Variants in TGFBR2 observed in about 807,000 individuals in gnomAD.
TGFBR2 encodes the protein transforming growth factor beta receptor 2.
Under a neutral mutation model 49.0 loss-of-function variants are expected in TGFBR2, and 18 were observed. That is an observed-to-expected ratio of 0.37 (90% confidence interval 0.25 to 0.54). The LOEUF (loss-of-function observed/expected upper bound fraction) is 0.54. Among genes scored for constraint, TGFBR2 ranks in the 20% least tolerant of loss-of-function variants. The pLI is 0.85. For synonymous variants in TGFBR2, 282 were observed against 275.9 expected (o/e 1.02, Z -0.22); for missense variants, 525 against 722.6 (o/e 0.73, Z 3.13).
At chr3:30,650,202 ATAT>A (rs2125409573) in intron 2 of TGFBR2, 65 bp from the exon 3 acceptor site, 1 of 1,497,830 alleles carries the variant, frequency 6.7e-7, no homozygotes, top group East Asian at 2.3e-5. Flanking sequence ...TCTGGAGGCC[ATAT>A]TATTCATTTA....
chr3:30,634,090 G>A (rs541311183), intron 1 of TGFBR2, among the ~76,000 whole-genome samples: 8 of 152,220 alleles, frequency 5.3e-5, no homozygotes, highest in East Asian at 3.9e-4. Context: ...CAAGAACCCC[G>A]CAGCATATTT....
chr3:30,671,270 G>A (rs1268863569), intron 3 of TGFBR2, among the ~76,000 whole-genome samples: 3 of 152,184 alleles, frequency 2.0e-5, no homozygotes, highest in African/African-American at 7.2e-5. Context: ...AAAGACAGAT[G>A]TGAAATCAAG....
intron 1 of TGFBR2, among the ~76,000 whole-genome samples, chr3:30,613,326 C>A (rs903228507): frequency 6.6e-5 from 10 of 152,110 alleles, no homozygotes; most frequent in Middle Eastern, 3.4e-3. Flanking sequence ...GCCTTCCAGT[C>A]TTACTCTCTT....
At chr3:30,680,594 G>A (rs1699522324) in intron 5 of TGFBR2, among the ~76,000 whole-genome samples, 1 of 147,652 alleles carries the variant, frequency 6.8e-6, no homozygotes, top group Non-Finnish European at 1.5e-5. Context: ...GTTGGGTGGG[G>A]TGGGTGGGAT....
rs775640617 is a variant in TGFBR2 at position 30,671,802 on chromosome 3, C to T, written c.619C>T (p.Arg207Trp). 5.0e-6 allele frequency: 8 copies of T among 1,614,216 alleles called. No homozygotes were observed. Among genetic ancestry groups the T allele is most frequent in the East Asian group, 2.2e-5 (1 of 44,876 alleles). The part of the protein sequence containing the change: ...LSSTWETGKT[R>W]KLMEFSEHCA... ...TTCAACCTGGGAAACCGGCAAGACG[C>T]GGAAGCTCATGGAGTTCAGCGAGCA... The change falls in exon 4 of 7, where the codon CGG (arginine) becomes TGG (tryptophan). Residue 207 changes from arginine to tryptophan, a missense_variant. Physicochemically the swap from Arg to Trp is moderately radical, Grantham distance 101. This residue lies in a region of TGFBR2 where 376 missense variants were observed against 478.2 expected (regional missense o/e 0.79). Coordinates refer to ENST00000295754, the MANE Select transcript of TGFBR2 (RefSeq NM_003242.6).
At chr3:30,680,121 TC>T (rs1219723230) in intron 5 of TGFBR2, among the ~76,000 whole-genome samples, 1 of 83,108 alleles carries the variant, frequency 1.2e-5, no homozygotes, top group Non-Finnish European at 2.5e-5. Flanking sequence ...CGAGACTCCA[TC>T]CCCCCCGCCC....
At chr3:30,668,431 C>T (rs1012480397) in intron 3 of TGFBR2, among the ~76,000 whole-genome samples, 1 of 152,148 alleles carries the variant, frequency 6.6e-6, no homozygotes, top group African/African-American at 2.4e-5. Context: ...GGTGGAGTTT[C>T]AGGCAGGGAG....
At chr3:30,617,234 T>C (rs1698149117) in intron 1 of TGFBR2, among the ~76,000 whole-genome samples, 1 of 152,218 alleles carries the variant, frequency 6.6e-6, no homozygotes, top group African/African-American at 2.4e-5. Context: ...GGGGAGTAGC[T>C]GCCGCAACCT....
At chr3:30,641,673 A>AT (rs1698648318) in intron 1 of TGFBR2, among the ~76,000 whole-genome samples, 2 of 150,430 alleles carry the variant, frequency 1.3e-5, no homozygotes, top group Admixed American at 1.3e-4. Context: ...GCAAATTCTT[A>AT]TTGTACACTG....
In TGFBR2 at chr3:30,693,549, A is replaced by G. The variant is rs1699748358; in HGVS notation, c.*1950A>G. On this transcript the variant is annotated 3_prime_UTR_variant, in exon 7 of 7. Coordinates refer to ENST00000295754, the MANE Select transcript of TGFBR2 (RefSeq NM_003242.6). ...CTCATTTTATTGAGATTTTTAAGAT[A>G]CATGCAAAGGTTTGGAAATAGAACC... 4.3e-6 allele frequency: 1 copy of G among 233,372 alleles called. No homozygotes were observed. The highest frequency in any genetic ancestry group is 8.5e-6 in the Non-Finnish European group (1 of 117,856). The allele number at this position is 233,372 out of a possible 1,614,324, so 14.5% of individuals were successfully genotyped here.
intron 5 of TGFBR2, among the ~76,000 whole-genome samples, chr3:30,684,758 G>A (rs867552092): frequency 1.6e-4 from 25 of 152,288 alleles, no homozygotes; most frequent in Admixed American, 2.6e-4. Flanking sequence ...AGGAAAAGTA[G>A]GAAGTAACCT....
chr3:30,608,343 T>G (rs1350801497), intron 1 of TGFBR2, among the ~76,000 whole-genome samples: 1 of 152,192 alleles, frequency 6.6e-6, no homozygotes, highest in Admixed American at 6.5e-5. Context: ...GGCCTTAGTT[T>G]CCTCATCTGT....
intron 1 of TGFBR2, among the ~76,000 whole-genome samples, chr3:30,613,835 A>G (rs991013643): frequency 5.9e-5 from 9 of 152,106 alleles, no homozygotes; most frequent in African/African-American, 1.9e-4. Flanking sequence ...GTAACTTTAA[A>G]TGTTTTGACT....
chr3:30,662,984 G>A (rs9842186), intron 3 of TGFBR2, among the ~76,000 whole-genome samples: 2,806 of 152,266 alleles, frequency 0.018, 84 homozygotes, highest in African/African-American at 0.064. Context: ...TGAGGACAGC[G>A]CTAAGACTCT....
chr3:30,625,378 T>C (rs1174050068), intron 1 of TGFBR2, among the ~76,000 whole-genome samples: 2 of 152,228 alleles, frequency 1.3e-5, no homozygotes, highest in African/African-American at 2.4e-5. Context: ...CTATTTCCCT[T>C]CTTAACTTCT....
In TGFBR2 at chr3:30,672,125, G is replaced by A. The variant is rs2125435234; in HGVS notation, c.942G>A (p.Lys314=). The A allele has an allele frequency of 1.2e-6, 2 of 1,614,222 alleles. No homozygotes were observed. The highest frequency in any genetic ancestry group is 1.7e-6 in the Non-Finnish European group (2 of 1,180,038). Residue 314 remains lysine (K), a synonymous_variant, in exon 4 of 7, where the codon AAG becomes AAA. Transcript: ENST00000295754. This position sits in a 1 kb window ranked among gnomAD's most constrained non-coding sequence, Gnocchi z 4.5. ...AGTTCCTGACGGCTGAGGAGCGGAAGACGGAGTTGGGGAAACAATACTGGC... is the reference window on the plus strand; with the variant it reads ...AGTTCCTGACGGCTGAGGAGCGGAAAACGGAGTTGGGGAAACAATACTGGC... The part of the protein sequence containing the change: ...ILQFLTAEER[K]TELGKQYWLI...
rs1225583022 is a variant in TGFBR2, at chr3:30,606,965, G to A, written c.82G>A (p.Val28Ile). 1 of 1,599,428 alleles carries A rather than the reference G, an allele frequency of 6.3e-7. No homozygotes were observed. Among genetic ancestry groups the A allele is most frequent in the Admixed American group, 1.7e-5 (1 of 58,460 alleles). The change falls in exon 1 of 7, where the codon GTT (valine) becomes ATT (isoleucine). Residue 28 changes from valine (V) to isoleucine (I), a missense_variant. Val to Ile is a conservative substitution (Grantham distance 29, BLOSUM62 3). Coordinates refer to ENST00000295754, the MANE Select transcript of TGFBR2 (RefSeq NM_003242.6). ...TATCGCCAGCACGATCCCACCGCAC[G>A]TTCAGAAGTCGGGTGAGTGGTCCCC... ...TRIASTIPPH[V>I]QKSVNNDMIV...
chr3:30,608,084 G>T (rs1200212654), intron 1 of TGFBR2, among the ~76,000 whole-genome samples: 1 of 151,576 alleles, frequency 6.6e-6, no homozygotes, highest in East Asian at 2.0e-4. Flanking sequence ...GATTACAGGC[G>T]CGTGCCACCA....
At chr3:30,670,886 T>C (rs1313731223) in intron 3 of TGFBR2, among the ~76,000 whole-genome samples, 1 of 152,250 alleles carries the variant, frequency 6.6e-6, no homozygotes, top group Non-Finnish European at 1.5e-5. Flanking sequence ...GTTGGGTGGA[T>C]GTAAGATAAC....
Sources: gnomAD v4.1 joint callset for allele counts (sites outside exome capture counted in the v4.1 genomes callset) on GRCh38, gnomAD v4.1.1 for gene constraint, gnomAD v4.1.1 regional missense constraint, Gnocchi (gnomAD v3.1) non-coding constraint, MANE v1.5 for transcripts, NCBI Gene and HGNC (gene_info 2026-07-23, HGNC 2026-07-21) for gene names.